The following VSIG4 variants were observed in gnomAD, a reference collection of about 807,000 sequenced individuals.
VSIG4 encodes V-set and immunoglobulin domain containing 4.
A neutral mutation model predicts 23.4 loss-of-function variants in VSIG4; 34 were observed. The ratio of observed to expected loss-of-function variants is 1.45; its 90% CI spans 1.10 to 1.93. VSIG4 has a LOEUF of 1.93. Among genes scored for constraint, VSIG4 ranks in the 30% most tolerant of loss-of-function variants. VSIG4 has a pLI of 0.00. For missense variants in VSIG4, 433 were observed against 310.8 expected, an observed-to-expected ratio of 1.39 and a Z score of -2.96; for synonymous variants, 169 against 120.3, an observed-to-expected ratio of 1.41 and a Z score of -2.65.
At chrX:66,029,132 G>A (rs73629485) in intron 3 of VSIG4, among the ~76,000 whole-genome samples, 2,246 of 111,246 alleles carry the variant, frequency 0.02, 57 homozygotes, top group African/African-American at 0.07. Context: ...AGCATGCTCC[G>A]TTTTAGATGT....
intron 1 of VSIG4, among the ~76,000 whole-genome samples, chrX:66,036,777 T>TAATTATAA (rs1258308066): frequency 2.4e-5 from 1 of 41,297 alleles, no homozygotes; most frequent in African/African-American, 1.2e-4. Context: ...ATATATTATA[T>TAATTATAA]TATATTATAT....
chrX:66,037,335 T>TATAATATATAATATATATTATATA (rs2085609614), intron 1 of VSIG4, among the ~76,000 whole-genome samples: 1 of 787 alleles, frequency 1.3e-3, no homozygotes, highest in Non-Finnish European at 1.7e-3. Flanking sequence ...TATATAATAA[T>TATAATATATAATATATATTATATA]ATAATATAAT....
chrX:66,025,877 A>G (rs1292083217), intron 5 of VSIG4, among the ~76,000 whole-genome samples: 2 of 112,384 alleles, frequency 1.8e-5, no homozygotes, highest in Non-Finnish European at 3.8e-5. Context: ...CAAGGAAATT[A>G]ATTCTTCTCC....
At chrX:66,038,786 G>A (rs1237075878) in intron 1 of VSIG4, among the ~76,000 whole-genome samples, 1 of 111,178 alleles carries the variant, frequency 9.0e-6, no homozygotes, top group Non-Finnish European at 1.9e-5. Flanking sequence ...CTAACTCTGA[G>A]GTTCCAGAGT....
chrX:66,029,283 G>T (rs2085436870), intron 3 of VSIG4, among the ~76,000 whole-genome samples: 1 of 111,748 alleles, frequency 8.9e-6, no homozygotes, highest in South Asian at 3.7e-4. Flanking sequence ...TTCCTTTTGA[G>T]AAAGGAAGCA....
At position 66,033,736 on chromosome X, in the gene VSIG4, G is replaced by A. The variant is rs946784020; in HGVS notation, c.150C>T (p.Thr50=). 2.5e-6 allele frequency: 3 copies of A among 1,209,491 alleles called. No homozygotes were observed. Among genetic ancestry groups the A allele is most frequent in the African/African-American group, 3.5e-5 (2 of 57,044 alleles). ...GTACCAGCCACTTCACCAAGACTTGGGTGTAGCCTTGCAGGGGGTCATAGG... is the reference window on the plus strand; with the variant it reads ...GTACCAGCCACTTCACCAAGACTTGAGTGTAGCCTTGCAGGGGGTCATAGG... ...PCTYDPLQGY[T]QVLVKWLVQR... Residue 50 remains threonine (T), a synonymous_variant, in exon 2 of 8, where the codon ACC becomes ACT. Coordinates refer to ENST00000374737, the MANE Select transcript of VSIG4 (RefSeq NM_007268.3).
chrX:66,030,869 G>A (rs1043608971), intron 3 of VSIG4, among the ~76,000 whole-genome samples: 18 of 111,386 alleles, frequency 1.6e-4, no homozygotes, highest in African/African-American at 5.9e-4. Context: ...CCAAGAACAT[G>A]AGCAAAAGCA....
chrX:66,026,303 T>C (rs2085389645), intron 5 of VSIG4, among the ~76,000 whole-genome samples: 1 of 112,026 alleles, frequency 8.9e-6, no homozygotes, highest in African/African-American at 3.2e-5. Flanking sequence ...TCAGAGTGTC[T>C]TGTTGGGACT....
intron 1 of VSIG4, among the ~76,000 whole-genome samples, chrX:66,036,700 T>C (rs2085548811): frequency 1.7e-5 from 1 of 57,544 alleles, no homozygotes; most frequent in South Asian, 8.8e-4. Flanking sequence ...ATTATTAATA[T>C]ATTATAATTA....
At chrX:66,036,925 AT>A (rs1267686982) in intron 1 of VSIG4, among the ~76,000 whole-genome samples, 1 of 39,220 alleles carries the variant, frequency 2.5e-5, no homozygotes, top group African/African-American at 1.3e-4. Flanking sequence ...GATATATTAT[AT>A]TATATGATAT....
rs372046913 is a variant in VSIG4 at position 66,028,047 on chromosome X, C to T, written c.757+3G>A. Reference sequence around the variant, plus strand: ...TACTTCCTCAGACTCTAGCAAAACTCACCTTTCAAGGGGTATGTCATGGTT... The same window carrying T: ...TACTTCCTCAGACTCTAGCAAAACTTACCTTTCAAGGGGTATGTCATGGTT... On this transcript the variant is annotated splice_donor_region_variant and intron_variant, in intron 4 of 7. Coordinates refer to ENST00000374737, the MANE Select transcript of VSIG4 (RefSeq NM_007268.3). 5.7e-5 allele frequency: 69 copies of T among 1,207,941 alleles called. No homozygotes were observed. In the African/African-American group the frequency reaches 9.5e-4, roughly 17 times the overall value.
chrX:66,024,735 A>C (rs1288839317), intron 6 of VSIG4, among the ~76,000 whole-genome samples: 1 of 111,977 alleles, frequency 8.9e-6, no homozygotes, highest in Non-Finnish European at 1.9e-5. Flanking sequence ...AATTGTGAGC[A>C]ACTTGAGGCC....
intron 1 of VSIG4, among the ~76,000 whole-genome samples, chrX:66,036,549 G>C (rs2085543183): frequency 1.1e-5 from 1 of 94,031 alleles, no homozygotes; most frequent in African/African-American, 4.0e-5. Context: ...TCTGAACTTT[G>C]AGTCACTATC....
At chrX:66,030,572 T>A (rs958701840) in intron 3 of VSIG4, among the ~76,000 whole-genome samples, 1 of 109,771 alleles carries the variant, frequency 9.1e-6, no homozygotes, top group African/African-American at 3.3e-5. Context: ...CAAGAGGAAA[T>A]GGATAGGGAA....
intron 6 of VSIG4, among the ~76,000 whole-genome samples, chrX:66,024,772 C>T (rs1182102551): frequency 8.9e-6 from 1 of 111,894 alleles, no homozygotes; most frequent in East Asian, 2.8e-4. Context: ...CCTTCTCTTG[C>T]ATCATTACAA....
rs1329677326 is a variant in VSIG4, at chrX:66,032,539, G to A, written c.623C>T (p.Ser208Phe). 5 of 1,210,146 alleles carry A rather than the reference G, an allele frequency of 4.1e-6. No individual in the cohort carries two copies. The African/African-American group carries it at 7.0e-5, about 17-fold the overall frequency. The change falls in exon 3 of 8, where the codon TCC (serine) becomes TTC (phenylalanine). Residue 208 changes from serine (S) to phenylalanine (F), a missense_variant. Ser to Phe is a radical substitution (Grantham distance 155). Coordinates refer to ENST00000374737, the MANE Select transcript of VSIG4 (RefSeq NM_007268.3). ...CTGGCCCTTGGCAGTGCAGAAATAGGAGCCTGAGTCGGCTATCACCGCAGG... is the reference window on the plus strand; with the variant it reads ...CTGGCCCTTGGCAGTGCAGAAATAGAAGCCTGAGTCGGCTATCACCGCAGG... ...FKPAVIADSG[S>F]YFCTAKGQVG...
chrX:66,026,050 C>T (rs1410360929), intron 5 of VSIG4, among the ~76,000 whole-genome samples: 1 of 112,126 alleles, frequency 8.9e-6, no homozygotes, highest in African/African-American at 3.2e-5. Context: ...AAAATGAATA[C>T]AGTGACCTTA....
Position 66,021,817 on chromosome X carries a change from C to G in VSIG4, c.*446G>C. On this transcript the variant is annotated 3_prime_UTR_variant, in exon 8 of 8. Transcript: ENST00000374737. ...CTTATAGTGGAGGAGCAGAACTGAA[C>G]CCTGGCCTGTGAAATAACAATTTCA... is the stretch of plus-strand genomic sequence containing the variant. The G allele has an allele frequency of 3.8e-6, 1 of 265,400 alleles. No individual in the cohort carries two copies. The highest frequency in any genetic ancestry group is 7.0e-6 in the Non-Finnish European group (1 of 142,022). 21.9% of individuals were successfully genotyped at this position (265,400 alleles called of 1,213,427 possible). A position where few individuals can be genotyped will look rare whatever the true frequency, so the allele number is the denominator to read the frequency against.
At chrX:66,025,940 A>C (rs779221610) in intron 5 of VSIG4, among the ~76,000 whole-genome samples, 1 of 112,228 alleles carries the variant, frequency 8.9e-6, no homozygotes, top group South Asian at 3.7e-4. Flanking sequence ...ATTTTAGCTC[A>C]GTGATAATTG....
Sources: gnomAD v4.1 joint callset for allele counts (sites outside exome capture counted in the v4.1 genomes callset) on GRCh38, gnomAD v4.1.1 for gene constraint, MANE v1.5 for transcripts, NCBI Gene and HGNC (gene_info 2026-07-23, HGNC 2026-07-21) for gene names.